EHBP1: variants seen among roughly 807,000 people sequenced by gnomAD.
EHBP1 encodes the protein EH domain binding protein 1.
EHBP1 carries 55 observed loss-of-function variants against 144.0 expected under a neutral mutation model. The observed-to-expected ratio is 0.38, with a 90% confidence interval of 0.31 to 0.48. The LOEUF is 0.48. Among genes scored for constraint, EHBP1 ranks in the 20% least tolerant of loss-of-function variants. EHBP1 has a pLI of 0.98. For missense variants in EHBP1, 1,200 were observed against 1,364.2 expected (o/e 0.88, Z 1.90); for synonymous variants, 469 against 472.7 (o/e 0.99, Z 0.10).
At chr2:62,805,530 T>A (rs1558700833) in intron 5 of EHBP1, among the ~76,000 whole-genome samples, 1 of 152,002 alleles carries the variant, frequency 6.6e-6, no homozygotes, top group Non-Finnish European at 1.5e-5. Flanking sequence ...ATTCATTTAT[T>A]TTTTGAAACA....
intron 11 of EHBP1, 129 bp from the exon 12 acceptor site, chr2:62,943,673 T>G (rs564918072): frequency 6.2e-6 from 3 of 482,584 alleles, no homozygotes; most frequent in Admixed American, 4.0e-5. Flanking sequence ...TTTTGTTGAT[T>G]GAATTGCTGT....
chr2:62,747,548 G>A, intron 3 of EHBP1, 96 bp downstream of exon 3: 2 of 965,818 alleles, frequency 2.1e-6, no homozygotes, highest in African/African-American at 1.7e-5. Flanking sequence ...ATTACTTGAT[G>A]TTTTGTTTTT....
rs565000767 is a variant in EHBP1 at position 62,869,699 on chromosome 2, T to C, written c.999-4647T>C. Reference sequence around the variant, plus strand: ...TGGAAATGTTTGGAAATGTTTGTTATCTTGATTTGTGCTGATGGTTTCACA... The same window carrying C: ...TGGAAATGTTTGGAAATGTTTGTTACCTTGATTTGTGCTGATGGTTTCACA... On this transcript the variant is annotated intron_variant, in intron 9 of 22. Transcript: ENST00000431489. Among the ~76,000 whole-genome samples, 5 of 152,340 alleles carry C rather than the reference T, an allele frequency of 3.3e-5. No individual in the cohort carries two copies. The South Asian group carries it at 1.0e-3, about 32-fold the overall frequency.
chr2:62,957,731 C>G (rs184047679), intron 14 of EHBP1, among the ~76,000 whole-genome samples: 124 of 133,934 alleles, frequency 9.3e-4, no homozygotes, highest in African/African-American at 3.3e-3. Context: ...CTGCAAGCTT[C>G]GCCTCCCGGG....
chr2:62,867,358 C>T (rs1223398252), intron 9 of EHBP1, among the ~76,000 whole-genome samples: 1 of 151,858 alleles, frequency 6.6e-6, no homozygotes, highest in Non-Finnish European at 1.5e-5. Context: ...AAAATGGGTA[C>T]TAAAACTAAA....
intron 19 of EHBP1, among the ~76,000 whole-genome samples, chr2:63,032,915 A>G (rs1177924495): frequency 2.6e-5 from 4 of 152,198 alleles, no homozygotes; most frequent in Non-Finnish European, 5.9e-5. Context: ...TCTTAATATT[A>G]TAAATATATC....
rs150648830 is a variant in EHBP1 at position 62,831,018 on chromosome 2, G to A, written c.495-1G>A. ...TGTTATATTTTGAATCATTGATGTA[G>A]AGATGAAGACATGCAAAGTTTGGCT... On this transcript the variant is annotated splice_acceptor_variant, in intron 6 of 22. Transcript: ENST00000431489. LOFTEE classifies it high-confidence loss of function. 2 of 1,611,396 alleles carry A rather than the reference G, an allele frequency of 1.2e-6. No homozygotes were observed. The highest frequency in any genetic ancestry group is 1.7e-5 in the Admixed American group (1 of 59,426).
intron 13 of EHBP1, among the ~76,000 whole-genome samples, chr2:62,951,879 AATTG>A (rs2057412467): frequency 6.6e-6 from 1 of 152,206 alleles, no homozygotes; most frequent in South Asian, 2.1e-4. Flanking sequence ...TAAAACTAGG[AATTG>A]ATTGATGTTT....
intron 3 of EHBP1, among the ~76,000 whole-genome samples, chr2:62,760,240 A>T (rs146796745): frequency 6.6e-6 from 1 of 152,194 alleles, no homozygotes; most frequent in Non-Finnish European, 1.5e-5. Flanking sequence ...AACGATAGAA[A>T]GCTGGCCCTG....
chr2:62,881,401 G>A (rs1437810091), intron 10 of EHBP1, among the ~76,000 whole-genome samples: 1 of 114,152 alleles, frequency 8.8e-6, no homozygotes, highest in African/African-American at 3.2e-5. Flanking sequence ...TGTAATACAA[G>A]TTGGAAAGGA....
intron 10 of EHBP1, among the ~76,000 whole-genome samples, chr2:62,886,256 T>G (rs1368905159): frequency 6.6e-6 from 1 of 152,234 alleles, no homozygotes; most frequent in Non-Finnish European, 1.5e-5. Context: ...GTTAATTTCC[T>G]ATCATATGTA....
chr2:62,717,576 G>C (rs575074606), intron 2 of EHBP1, among the ~76,000 whole-genome samples: 1 of 152,130 alleles, frequency 6.6e-6, no homozygotes, highest in Admixed American at 6.5e-5. Context: ...ATGTATCACT[G>C]TTATAGTGAT....
chr2:62,793,292 C>G (rs1025945521), intron 5 of EHBP1, among the ~76,000 whole-genome samples: 3 of 151,982 alleles, frequency 2.0e-5, no homozygotes, highest in African/African-American at 7.2e-5. Flanking sequence ...TTTTTTTCAA[C>G]CACTCACAAA....
At chr2:62,931,089 C>A (rs996890162) in intron 10 of EHBP1, among the ~76,000 whole-genome samples, 3 of 152,036 alleles carry the variant, frequency 2.0e-5, no homozygotes, top group African/African-American at 7.2e-5. Flanking sequence ...ATATTTCTTG[C>A]CTACAAAATG....
chr2:62,926,841 T>G (rs892932599), intron 10 of EHBP1, among the ~76,000 whole-genome samples: 10 of 152,234 alleles, frequency 6.6e-5, no homozygotes, highest in Non-Finnish European at 1.3e-4. Flanking sequence ...TACTACTGAG[T>G]ATTTATCCAC....
intron 10 of EHBP1, among the ~76,000 whole-genome samples, chr2:62,907,623 A>T (rs566036215): frequency 6.6e-6 from 1 of 152,318 alleles, no homozygotes; most frequent in African/African-American, 2.4e-5. Context: ...CTAATCCATT[A>T]ATAAGGAGTC....
chr2:62,738,315 A>T (rs2038354052), intron 2 of EHBP1, among the ~76,000 whole-genome samples: 1 of 152,184 alleles, frequency 6.6e-6, no homozygotes, highest in Admixed American at 6.5e-5. Context: ...CTTAGTAAAC[A>T]TAGTTAGCAG....
At position 62,979,371 on chromosome 2, in the gene EHBP1, C is replaced by T. The variant is rs1257520450; in HGVS notation, c.2608+36C>T. The T allele has an allele frequency of 1.9e-6, 3 of 1,600,304 alleles. No homozygotes were observed. In the South Asian group the frequency reaches 3.4e-5, roughly 18 times the overall value. On this transcript the variant is annotated intron_variant, in intron 15 of 22. Transcript: ENST00000431489. Reference sequence around the variant, plus strand: ...GAATCTTCTATCATTCTACAGACAACCCAGAAATCCACAGTGGACCTTTTG... The same window carrying T: ...GAATCTTCTATCATTCTACAGACAATCCAGAAATCCACAGTGGACCTTTTG...
At chr2:62,778,304 C>G (rs867872977) in intron 5 of EHBP1, among the ~76,000 whole-genome samples, 1 of 151,948 alleles carries the variant, frequency 6.6e-6, no homozygotes, top group Non-Finnish European at 1.5e-5. Flanking sequence ...TTTGGGAGCC[C>G]GAGGTGGAAG....
Sources: allele counts gnomAD v4.1 joint callset (sites outside exome capture counted in the v4.1 genomes callset), GRCh38; gene constraint gnomAD v4.1.1; transcripts MANE v1.5; gene names NCBI Gene and HGNC (gene_info 2026-07-23, HGNC 2026-07-21).